The following CLDN16 variants were observed in gnomAD, a reference collection of about 807,000 sequenced individuals.
CLDN16 encodes the protein claudin 16, also known as claudin-16.
CLDN16 carries 13 observed loss-of-function variants against 24.6 expected under a neutral mutation model. The ratio of observed to expected loss-of-function variants is 0.53; its 90% confidence interval spans 0.34 to 0.84. CLDN16 has a LOEUF of 0.84. Ranked by LOEUF, CLDN16 falls within the 40% of genes least tolerant of loss-of-function variation. The pLI is 0.01. For synonymous variants in CLDN16, 116 were observed against 106.7 expected (o/e 1.09, Z -0.54); for missense variants, 298 against 292.7 (o/e 1.02, Z -0.13).
intron 1 of CLDN16, among the ~76,000 whole-genome samples, chr3:190,339,048 C>A (rs1290383288): frequency 5.3e-5 from 8 of 151,936 alleles, no homozygotes; most frequent in African/African-American, 1.5e-4. Context: ...TAAGACAGTG[C>A]AGCTCTCTTT....
chr3:190,290,533 T>C, the CLDN16 span, among the ~76,000 whole-genome samples: 2 of 152,214 alleles, frequency 1.3e-5, no homozygotes. Flanking sequence ...TACCTCACCA[T>C]TTTCGTTTCC....
intron 3 of CLDN16, among the ~76,000 whole-genome samples, chr3:190,406,686 A>G (rs1047279018): frequency 6.6e-6 from 1 of 151,866 alleles, no homozygotes; most frequent in Non-Finnish European, 1.5e-5. Context: ...CATTATAGCA[A>G]TGCTATTGCA....
At chr3:190,336,836 A>C (rs1717321499) in intron 1 of CLDN16, among the ~76,000 whole-genome samples, 2 of 152,372 alleles carry the variant, frequency 1.3e-5, no homozygotes, top group South Asian at 4.1e-4. Context: ...CTGGCAGTCC[A>C]AGTAATAAAC....
At chr3:190,404,261 C>A (rs1719032577) in intron 2 of CLDN16, among the ~76,000 whole-genome samples, 1 of 152,094 alleles carries the variant, frequency 6.6e-6, no homozygotes, top group Non-Finnish European at 1.5e-5. Context: ...CTTCTTCTAT[C>A]CTGAACTGGC....
intron 1 of CLDN16, among the ~76,000 whole-genome samples, chr3:190,365,535 G>C (rs1207866971): frequency 1.4e-5 from 2 of 146,976 alleles, no homozygotes; most frequent in East Asian, 4.0e-4. Context: ...ACTTCATCTA[G>C]TATGAGCCAT....
chr3:190,404,705 G>A, intron 2 of CLDN16, 57 bp from the exon 3 acceptor site: 1 of 1,564,730 alleles, frequency 6.4e-7, no homozygotes, highest in Non-Finnish European at 8.8e-7. Context: ...ATGTCTCTGT[G>A]AGTTAATATG....
At chr3:190,291,077 G>A in the CLDN16 span, among the ~76,000 whole-genome samples, 5 of 152,232 alleles carry the variant, frequency 3.3e-5, no homozygotes, top group Middle Eastern at 3.4e-3. Context: ...AATGCTATGC[G>A]GAACCATAGC....
At position 190,388,269 on chromosome 3, in the gene CLDN16, C is replaced by G. The variant is rs1718556761; in HGVS notation, c.-61C>G. 6.2e-7 allele frequency: 1 copy of G among 1,607,796 alleles called. No individual in the cohort carries two copies. Among genetic ancestry groups the G allele is most frequent in the Admixed American group, 1.7e-5 (1 of 59,428 alleles). Reference sequence around the variant, plus strand: ...AAACACAGAAGACTGACACCCGCCACTTAAGTGGGGCCAGGGCTGGTGTCT... The same window carrying G: ...AAACACAGAAGACTGACACCCGCCAGTTAAGTGGGGCCAGGGCTGGTGTCT... On this transcript the variant is annotated 5_prime_UTR_variant, in exon 1 of 5. Coordinates refer to ENST00000264734, the MANE Select transcript of CLDN16 (RefSeq NM_006580.4).
chr3:190,404,710 A>G, intron 2 of CLDN16, 52 bp from the exon 3 acceptor site: 1 of 1,582,218 alleles, frequency 6.3e-7, no homozygotes, highest in Non-Finnish European at 8.7e-7. Context: ...TCTGTGAGTT[A>G]ATATGGTTCC....
chr3:190,291,645 A>G, the CLDN16 span, among the ~76,000 whole-genome samples: 2 of 152,140 alleles, frequency 1.3e-5, no homozygotes, highest in Non-Finnish European at 2.9e-5. Flanking sequence ...TAAATATTAC[A>G]TCTTTCACAT....
chr3:190,369,625 A>G (rs1718091974), intron 1 of CLDN16, among the ~76,000 whole-genome samples: 1 of 151,954 alleles, frequency 6.6e-6, no homozygotes, highest in African/African-American at 2.4e-5. Context: ...AAACTTTACT[A>G]GTATTAGTTT....
chr3:190,313,596 G>A, the CLDN16 span, among the ~76,000 whole-genome samples: 1,224 of 152,288 alleles, frequency 8.0e-3, 14 homozygotes, highest in African/African-American at 0.028. Context: ...CCAGTGATGT[G>A]AATAGGAGGA....
intron 1 of CLDN16, among the ~76,000 whole-genome samples, chr3:190,343,816 T>A (rs890995978): frequency 2.0e-5 from 3 of 151,838 alleles, no homozygotes; most frequent in Admixed American, 1.3e-4. Flanking sequence ...AGAGTTCAGG[T>A]CTGGGGGAGA....
chr3:190,335,023 C>CTTTTTTTTTTTTTTTTTTTTTTTTTTT (rs57744577), intron 1 of CLDN16, among the ~76,000 whole-genome samples: 1 of 134,342 alleles, frequency 7.4e-6, no homozygotes. Context: ...TTTCTTTTTT[C>CTTTTTTTTTTTTTTTTTTTTTTTTTTT]TTTTTTTTTT....
At chr3:190,297,147 T>C in the CLDN16 span, among the ~76,000 whole-genome samples, 4 of 145,666 alleles carry the variant, frequency 2.7e-5, no homozygotes, top group Non-Finnish European at 6.0e-5. Context: ...GTTTCACTGA[T>C]AACATTTCAG....
At position 190,388,199 on chromosome 3, in the gene CLDN16, T is replaced by A; in HGVS notation, c.-131T>A. 6.2e-7 allele frequency: 1 copy of A among 1,614,000 alleles called. No individual in the cohort carries two copies. The highest frequency in any genetic ancestry group is 8.5e-7 in the Non-Finnish European group (1 of 1,179,978). On this transcript the variant is annotated 5_prime_UTR_variant, in exon 1 of 5. Coordinates refer to ENST00000264734, the MANE Select transcript of CLDN16 (RefSeq NM_006580.4). ...AACTCAAGACACCTGCAGCAGGGCG[T>A]GAGAAAAAGTAAAAGACCAGTATTT...
the CLDN16 span, among the ~76,000 whole-genome samples, chr3:190,297,757 C>T: frequency 2.1e-5 from 3 of 144,516 alleles, no homozygotes; most frequent in African/African-American, 7.6e-5. Context: ...CACATATACA[C>T]TCACACATAT....
chr3:190,298,780 T>A, the CLDN16 span, among the ~76,000 whole-genome samples: 1 of 152,200 alleles, frequency 6.6e-6, no homozygotes, highest in East Asian at 1.9e-4. Context: ...ATTTTACATA[T>A]AACTGCATCT....
the CLDN16 span, among the ~76,000 whole-genome samples, chr3:190,292,184 T>C: frequency 6.6e-6 from 1 of 152,232 alleles, no homozygotes; most frequent in Non-Finnish European, 1.5e-5. Flanking sequence ...TGCAGCAGAC[T>C]TATGCCTGGA....
Sources: gnomAD v4.1 joint callset for allele counts (sites outside exome capture counted in the v4.1 genomes callset) on GRCh38, gnomAD v4.1.1 for gene constraint, MANE v1.5 for transcripts, NCBI Gene and HGNC (gene_info 2026-07-23, HGNC 2026-07-21) for gene names.